Variants in PARD3B observed in about 807,000 individuals in gnomAD.
The protein encoded by PARD3B is par-3 family cell polarity regulator beta, also known as partitioning defective 3 homolog B.
PARD3B carries 103 observed loss-of-function variants against 130.2 expected under a neutral mutation model. That is an observed-to-expected ratio of 0.79 (90% CI 0.67 to 0.93). The LOEUF (loss-of-function observed/expected upper bound fraction) is 0.93, where lower values mean the gene tolerates loss of function less well. Ranked by LOEUF, PARD3B falls within the 40% of genes least tolerant of loss-of-function variation. The pLI is 0.00. For synonymous variants in PARD3B, 583 were observed against 553.2 expected, an observed-to-expected ratio of 1.05 and a Z score of -0.76; for missense variants, 1,609 against 1,499.2, an observed-to-expected ratio of 1.07 and a Z score of -1.21.
At chr2:205,135,657 C>G (rs2032419317) in intron 10 of PARD3B, among the ~76,000 whole-genome samples, 1 of 151,752 alleles carries the variant, frequency 6.6e-6, no homozygotes, top group East Asian at 1.9e-4. Flanking sequence ...CTTCTCCTGC[C>G]CTGTCCCCAA....
At chr2:205,318,431 G>C (rs2042633933) in intron 18 of PARD3B, among the ~76,000 whole-genome samples, 1 of 152,144 alleles carries the variant, frequency 6.6e-6, no homozygotes, top group African/African-American at 2.4e-5. Context: ...TACTATGAGG[G>C]CATTAAATGT....
At chr2:204,635,513 G>T (rs1408478754) in intron 1 of PARD3B, among the ~76,000 whole-genome samples, 1 of 152,094 alleles carries the variant, frequency 6.6e-6, no homozygotes, top group Non-Finnish European at 1.5e-5. Context: ...AATTAACATG[G>T]TGCTTTTGGA....
In PARD3B at chr2:204,998,358, A is replaced by ATGTGTGTG. The variant is rs59323700; in HGVS notation, c.394+33045_394+33052dup. Among the ~76,000 whole-genome samples the ATGTGTGTG allele has an allele frequency of 2.2e-3, 153 of 69,790 alleles. 5 individuals are homozygous for ATGTGTGTG. The highest frequency in any genetic ancestry group is 9.8e-3 in the African/African-American group (145 of 14,756). 45.8% of individuals were successfully genotyped at this position (69,790 alleles called of 152,430 possible). A position where few individuals can be genotyped will look rare whatever the true frequency, so the allele number is the denominator to read the frequency against. On this transcript the variant is annotated intron_variant, in intron 3 of 22. Coordinates refer to ENST00000406610, the MANE Select transcript of PARD3B (RefSeq NM_001302769.2). ...TATATATATATATATATATATATATATGTGTGTGTGTGTGTGTATATATGT... is the reference window on the plus strand; with the variant it reads ...TATATATATATATATATATATATATATGTGTGTGTGTGTGTGTGTGTGTGTATATATGT...
At chr2:204,927,399 C>T (rs1687702995) in intron 2 of PARD3B, among the ~76,000 whole-genome samples, 1 of 152,098 alleles carries the variant, frequency 6.6e-6, no homozygotes, top group South Asian at 2.1e-4. Flanking sequence ...CATCTATGAA[C>T]CAGAAAGCAG....
At chr2:204,868,824 G>A (rs192125184) in intron 2 of PARD3B, among the ~76,000 whole-genome samples, 4 of 152,260 alleles carry the variant, frequency 2.6e-5, no homozygotes, top group African/African-American at 4.8e-5. Flanking sequence ...AAGTTGAGAC[G>A]ATCTGTCTGG....
intron 2 of PARD3B, among the ~76,000 whole-genome samples, chr2:204,944,527 C>T (rs1689157875): frequency 6.6e-6 from 1 of 152,298 alleles, no homozygotes. Flanking sequence ...GAAAGGGATC[C>T]CATTCAGCCT....
chr2:204,888,355 G>GTTTC (rs150934752), intron 2 of PARD3B, among the ~76,000 whole-genome samples: 12,218 of 151,540 alleles, frequency 0.081, 607 homozygotes, highest in African/African-American at 0.14. Flanking sequence ...AGCAAACAGA[G>GTTTC]GAGAAAGGGA....
At chr2:205,543,474 C>T (rs76672670) in intron 21 of PARD3B, among the ~76,000 whole-genome samples, 92 of 152,280 alleles carry the variant, frequency 6.0e-4, no homozygotes, top group Middle Eastern at 3.4e-3. Context: ...GCATCACCAC[C>T]ATGGGTTCAT....
chr2:204,818,841 A>G (rs1313742673), intron 2 of PARD3B, among the ~76,000 whole-genome samples: 1 of 152,212 alleles, frequency 6.6e-6, no homozygotes, highest in African/African-American at 2.4e-5. Flanking sequence ...CGTATGTATT[A>G]TAGGTGTGGA....
intron 2 of PARD3B, among the ~76,000 whole-genome samples, chr2:204,778,912 A>G (rs1290516591): frequency 6.6e-6 from 1 of 152,090 alleles, no homozygotes; most frequent in Non-Finnish European, 1.5e-5. Context: ...TATTGCTCTT[A>G]AGATGAAGAT....
chr2:204,646,026 T>C (rs1293916181), intron 1 of PARD3B, among the ~76,000 whole-genome samples: 1 of 152,138 alleles, frequency 6.6e-6, no homozygotes, highest in African/African-American at 2.4e-5. Flanking sequence ...TTTCTGGTTC[T>C]AGCCAAAGAA....
intron 3 of PARD3B, among the ~76,000 whole-genome samples, chr2:205,046,812 C>A (rs1034223907): frequency 6.6e-6 from 1 of 152,092 alleles, no homozygotes; most frequent in Non-Finnish European, 1.5e-5. Context: ...TCTGTAGTGG[C>A]CAACTTTGTA....
chr2:204,786,545 CA>C (rs11313257), intron 2 of PARD3B, among the ~76,000 whole-genome samples: 34,680 of 151,636 alleles, frequency 0.23, 6,599 homozygotes, highest in African/African-American at 0.52. Flanking sequence ...ATAAGCTTAA[CA>C]ATCTGAAAAA....
At chr2:205,342,239 A>C (rs531692576) in intron 18 of PARD3B, among the ~76,000 whole-genome samples, 20 of 152,204 alleles carry the variant, frequency 1.3e-4, no homozygotes, top group Non-Finnish European at 2.6e-4. Flanking sequence ...GGAAGATGTA[A>C]GTGAACAAAA....
intron 2 of PARD3B, among the ~76,000 whole-genome samples, chr2:204,741,159 T>C (rs1224549195): frequency 6.6e-6 from 1 of 152,186 alleles, no homozygotes; most frequent in African/African-American, 2.4e-5. Context: ...CTGTTAGAAT[T>C]TTGTAGAGAG....
intron 2 of PARD3B, among the ~76,000 whole-genome samples, chr2:204,804,471 C>T (rs1476086944): frequency 6.6e-6 from 1 of 152,016 alleles, no homozygotes; most frequent in East Asian, 1.9e-4. Context: ...TACATGCACC[C>T]AACAGTGGAG....
intron 22 of PARD3B, among the ~76,000 whole-genome samples, chr2:205,577,048 G>A (rs566251770): frequency 1.3e-4 from 20 of 152,038 alleles, no homozygotes; most frequent in African/African-American, 4.8e-4. Flanking sequence ...TTTTGAGGGG[G>A]GCTTATATAA....
At position 204,868,261 on chromosome 2, in the gene PARD3B, C is replaced by T. The variant is rs79986273; in HGVS notation, c.223-96891C>T. On this transcript the variant is annotated intron_variant, in intron 2 of 22. Transcript: ENST00000406610. ...TTTGTTATTGAGGATTTATTATGAG[C>T]CAAAGATAGTGTGCTGTACTTTTAA... Among the ~76,000 whole-genome samples the T allele has an allele frequency of 2.6e-5, 4 of 152,192 alleles. No individual in the cohort carries two copies. In the East Asian group the frequency reaches 7.7e-4, roughly 29 times the overall value.
At chr2:204,931,880 T>C (rs1174253606) in intron 2 of PARD3B, among the ~76,000 whole-genome samples, 1 of 152,108 alleles carries the variant, frequency 6.6e-6, no homozygotes, top group East Asian at 1.9e-4. Context: ...TCTCTGAGCA[T>C]GTGAATCAGT....
Sources: gnomAD v4.1 joint callset for allele counts (sites outside exome capture counted in the v4.1 genomes callset) on GRCh38, gnomAD v4.1.1 for gene constraint, MANE v1.5 for transcripts, NCBI Gene and HGNC (gene_info 2026-07-23, HGNC 2026-07-21) for gene names.